Variants in VPS13D observed in about 807,000 individuals in gnomAD.
VPS13D encodes the protein intermembrane lipid transfer protein VPS13D.
In VPS13D, 187 loss-of-function variants were observed where a neutral mutation model predicts 461.9. The observed-to-expected ratio is 0.40, with a 90% CI of 0.36 to 0.46. VPS13D has a LOEUF of 0.46. Ranked by LOEUF, VPS13D falls within the 20% of genes least tolerant of loss-of-function variation. The pLI is 0.60. For synonymous variants in VPS13D, 1,951 were observed against 1,986.3 expected (o/e 0.98, Z 0.47); for missense variants, 4,711 against 5,364.9 (o/e 0.88, Z 3.81).
At chr1:12,503,640 A>G (rs1646064005) in intron 68 of VPS13D, among the ~76,000 whole-genome samples, 1 of 152,230 alleles carries the variant, frequency 6.6e-6, no homozygotes, top group African/African-American at 2.4e-5. Context: ...AGCTTATCTG[A>G]TGCTGTGTGT....
chr1:12,351,109 GT>G (rs1643781440), intron 46 of VPS13D, among the ~76,000 whole-genome samples: 1 of 152,126 alleles, frequency 6.6e-6, no homozygotes, highest in Admixed American at 6.5e-5. Flanking sequence ...TCTACCAGAC[GT>G]TTAAGGAGAA....
chr1:12,462,964 G>C (rs541288859), intron 67 of VPS13D, among the ~76,000 whole-genome samples: 12 of 152,026 alleles, frequency 7.9e-5, no homozygotes, highest in African/African-American at 2.9e-4. Context: ...AGGCACTCGG[G>C]ATATAGAAAA....
Position 12,389,492 on chromosome 1 carries a change from G to A in VPS13D, c.11634+3158G>A, listed in dbSNP as rs572899560. On this transcript the variant is annotated intron_variant, in intron 60 of 69. Transcript: ENST00000620676. ...TACATAAAGTTAATGATGCTTGAATGCTGATATGAAGTCAATAAATCTATG... is the reference window on the plus strand; with the variant it reads ...TACATAAAGTTAATGATGCTTGAATACTGATATGAAGTCAATAAATCTATG... Among the ~76,000 whole-genome samples the A allele has an allele frequency of 2.6e-5, 4 of 152,334 alleles. No individual in the cohort carries two copies. The East Asian group carries it at 7.7e-4, about 29-fold the overall frequency.
Position 12,304,619 on chromosome 1 carries a change from T to A in VPS13D, c.6330T>A (p.Leu2110=). 1 of 1,614,074 alleles carries A rather than the reference T, an allele frequency of 6.2e-7. No homozygotes were observed. Among genetic ancestry groups the A allele is most frequent in the Non-Finnish European group, 8.5e-7 (1 of 1,180,022 alleles). ...CCCAGGGGCAGTTCACGATGCCTCTTGCTGGAATGAGCCTAGGAAGCCTGA... is the reference window on the plus strand; with the variant it reads ...CCCAGGGGCAGTTCACGATGCCTCTAGCTGGAATGAGCCTAGGAAGCCTGA... The part of the protein sequence containing the change: ...THSQGQFTMP[L]AGMSLGSLKS... The change falls in exon 26 of 70, where the codon CTT becomes CTA. Residue 2110 remains leucine (L), a synonymous_variant. Coordinates refer to ENST00000620676, the MANE Select transcript of VPS13D (RefSeq NM_015378.4).
chr1:12,489,083 C>G (rs1645841562), intron 67 of VPS13D, among the ~76,000 whole-genome samples: 1 of 152,208 alleles, frequency 6.6e-6, no homozygotes, highest in African/African-American at 2.4e-5. Flanking sequence ...CTTACTATAA[C>G]ATGATCTATT....
chr1:12,471,314 G>T (rs1389424927), intron 67 of VPS13D, among the ~76,000 whole-genome samples: 2 of 152,056 alleles, frequency 1.3e-5, no homozygotes, highest in Non-Finnish European at 2.9e-5. Context: ...AAAAGAAGAA[G>T]AACAGTGTTT....
chr1:12,501,010 C>G (rs983908104), intron 68 of VPS13D, among the ~76,000 whole-genome samples: 1 of 151,970 alleles, frequency 6.6e-6, no homozygotes, highest in Admixed American at 6.5e-5. Context: ...GCTGAGATCA[C>G]GCCACTGCAC....
chr1:12,298,747 G>T (rs1642344011), intron 24 of VPS13D, among the ~76,000 whole-genome samples: 1 of 151,168 alleles, frequency 6.6e-6, no homozygotes. Flanking sequence ...ATTGACTTAT[G>T]CTTTTTATTT....
chr1:12,270,807 C>G (rs1288400673), intron 16 of VPS13D, among the ~76,000 whole-genome samples, 187 bp from the exon 17 acceptor site: 1 of 152,108 alleles, frequency 6.6e-6, no homozygotes, highest in African/African-American at 2.4e-5. Context: ...CCTCAGTCTC[C>G]TGGGCTCAGG....
At chr1:12,401,855 T>C (rs1644586102) in intron 62 of VPS13D, 151 bp downstream of exon 62, 2 of 616,502 alleles carry the variant, frequency 3.2e-6, no homozygotes, top group Admixed American at 3.0e-5. Flanking sequence ...TGTGTTTCAG[T>C]TGTGCTTTTT....
Position 12,408,582 on chromosome 1 carries a change from C to A in VPS13D, c.12030+4609C>A, listed in dbSNP as rs377271651. ...GTTTTACCATGTTGCCCAGGCTGGT[C>A]TCAAACTCCTGGGCTCAAGTTATCT... is the stretch of plus-strand genomic sequence containing the variant. On this transcript the variant is annotated intron_variant, in intron 63 of 69. Transcript: ENST00000620676. 5.9e-5 allele frequency among the ~76,000 whole-genome samples: 9 copies of A among 152,190 alleles called. No individual in the cohort carries two copies. In the East Asian group the frequency reaches 1.7e-3, roughly 29 times the overall value.
chr1:12,493,691 A>G (rs974786048), intron 67 of VPS13D, among the ~76,000 whole-genome samples: 1 of 152,224 alleles, frequency 6.6e-6, no homozygotes, highest in Non-Finnish European at 1.5e-5. Flanking sequence ...GTCGTCACAC[A>G]GTGGCCTGGG....
chr1:12,340,736 A>T (rs1350785845), intron 40 of VPS13D, among the ~76,000 whole-genome samples: 1 of 152,230 alleles, frequency 6.6e-6, no homozygotes, highest in Non-Finnish European at 1.5e-5. Context: ...TTCCTACTTT[A>T]ATGCTAGACA....
At chr1:12,376,920 A>G (rs1329896836) in intron 55 of VPS13D, among the ~76,000 whole-genome samples, 1 of 152,182 alleles carries the variant, frequency 6.6e-6, no homozygotes, top group Admixed American at 6.5e-5. Flanking sequence ...AGAGATTCAC[A>G]TGTTGGACCT....
intron 52 of VPS13D, among the ~76,000 whole-genome samples, chr1:12,364,506 T>G (rs1644001644): frequency 6.6e-6 from 1 of 152,226 alleles, no homozygotes; most frequent in South Asian, 2.1e-4. Context: ...GATCCAGGTG[T>G]GGAATTGTTG....
chr1:12,284,158 A>G lies in VPS13D; in HGVS notation c.5634+422A>G, dbSNP rs188646453. Among the ~76,000 whole-genome samples, 67 of 152,308 alleles carry G rather than the reference A, an allele frequency of 4.4e-4. 2 individuals are homozygous for G. Among genetic ancestry groups the G allele is most frequent in the Admixed American group, 2.0e-3 (31 of 15,294 alleles). Reference sequence around the variant, plus strand: ...TTCTCTCAGAACATTATTTGCTTGCATTGAGGGCAACAGCGTAACTGTTAA... The same window carrying G: ...TTCTCTCAGAACATTATTTGCTTGCGTTGAGGGCAACAGCGTAACTGTTAA... On this transcript the variant is annotated intron_variant, in intron 21 of 69. Transcript: ENST00000620676.
At chr1:12,240,997 G>A (rs1640336686) in intron 2 of VPS13D, among the ~76,000 whole-genome samples, 1 of 151,994 alleles carries the variant, frequency 6.6e-6, no homozygotes, top group African/African-American at 2.4e-5. Flanking sequence ...TGGGAGTGCA[G>A]TTGTGTGAGT....
In VPS13D at chr1:12,507,408, A is replaced by G; in HGVS notation, c.13035+315A>G. ...TGATAAGGAACAGCTAACACAACAC[A>G]CAGGGTTTTTCTGCTCCCAAAATGG... On this transcript the variant is annotated intron_variant, in intron 69 of 69. Coordinates refer to ENST00000620676, the MANE Select transcript of VPS13D (RefSeq NM_015378.4). This position sits in a 1 kb window ranked among gnomAD's most constrained non-coding sequence, Gnocchi z 5.3. The G allele has an allele frequency of 1.8e-6, 1 of 568,964 alleles. No homozygotes were observed. The highest frequency in any genetic ancestry group is 3.4e-6 in the Non-Finnish European group (1 of 294,446). The allele number at this position is 568,964 out of a possible 1,614,324, so 35.2% of individuals were successfully genotyped here.
intron 20 of VPS13D, among the ~76,000 whole-genome samples, chr1:12,281,879 T>G (rs1641794313): frequency 6.6e-6 from 1 of 152,218 alleles, no homozygotes; most frequent in East Asian, 1.9e-4. Context: ...AATAAAAAAC[T>G]TGCCTGAAAA....
Sources: gnomAD v4.1 joint callset for allele counts (sites outside exome capture counted in the v4.1 genomes callset) on GRCh38, gnomAD v4.1.1 for gene constraint, Gnocchi (gnomAD v3.1) non-coding constraint, MANE v1.5 for transcripts, NCBI Gene and HGNC (gene_info 2026-07-23, HGNC 2026-07-21) for gene names.